The following CDH26 variants were observed in gnomAD, a reference collection of about 807,000 sequenced individuals.
CDH26 encodes cadherin 26.
A neutral mutation model predicts 90.3 loss-of-function variants in CDH26; 83 were observed. That is an observed-to-expected ratio of 0.92 (90% CI 0.77 to 1.10). The LOEUF (loss-of-function observed/expected upper bound fraction) is 1.10, where lower values mean the gene tolerates loss of function less well. CDH26 is among the 50% of genes least tolerant of loss of function. The pLI is 0.00. For missense variants in CDH26, 1,013 were observed against 1,037.6 expected, an observed-to-expected ratio of 0.98 and a Z score of 0.33; for synonymous variants, 397 against 396.3, an observed-to-expected ratio of 1.00 and a Z score of -0.02.
In CDH26 at chr20:59,970,077, T is replaced by C. The variant is rs1601097367; in HGVS notation, c.127-5T>C. 2 of 1,611,436 alleles carry C rather than the reference T, an allele frequency of 1.2e-6. No homozygotes were observed. The highest frequency in any genetic ancestry group is 1.7e-6 in the Non-Finnish European group (2 of 1,178,754). ...CATTGTCACCAGTGTCACTATAAGT[T>C]CCAGGAAAAGATCTACCAGCCTCTA... On this transcript the variant is annotated splice_region_variant and splice_polypyrimidine_tract_variant and intron_variant, in intron 2 of 17. Coordinates refer to ENST00000348616, the MANE Select transcript of CDH26 (RefSeq NM_177980.4).
chr20:59,967,923 CCTTT>C (rs1569024528), intron 1 of CDH26, among the ~76,000 whole-genome samples: 35 of 136,632 alleles, frequency 2.6e-4, no homozygotes, highest in East Asian at 1.7e-3. Context: ...CCTTTCCTTT[CCTTT>C]CCTTTCCCTT....
intron 7 of CDH26, 35 bp downstream of exon 7, chr20:59,985,164 CA>C: frequency 6.2e-7 from 1 of 1,610,804 alleles, no homozygotes; most frequent in Non-Finnish European, 8.5e-7. Flanking sequence ...GTCTAAGCCC[CA>C]AAACAAGTAG....
chr20:60,005,450 TTGTC>T (rs146528110), intron 16 of CDH26, among the ~76,000 whole-genome samples: 8,389 of 152,002 alleles, frequency 0.055, 524 homozygotes, highest in African/African-American at 0.15. Context: ...ATGTGTATGT[TTGTC>T]TGTATATGTG....
downstream of CDH26, among the ~76,000 whole-genome samples, chr20:60,034,336 A>G (rs1387943257): frequency 6.6e-6 from 1 of 152,176 alleles, no homozygotes; most frequent in Non-Finnish European, 1.5e-5. Flanking sequence ...GTGGGGCCAG[A>G]GCTTTGTGCT....
rs975621328 is a variant in CDH26 at position 59,987,430 on chromosome 20, G to A, written c.838-23G>A. ...ATTGTGTTTTTGTTTCCATGACATG[G>A]ACATGATGATTGCTTCTTTCAGTAT... On this transcript the variant is annotated intron_variant, in intron 7 of 17. Transcript: ENST00000348616. 3 of 1,591,032 alleles carry A rather than the reference G, an allele frequency of 1.9e-6. No individual in the cohort carries two copies. The African/African-American group carries it at 4.1e-5, about 21-fold the overall frequency.
At chr20:59,996,514 C>T (rs549380012) in intron 12 of CDH26, 117 bp from the exon 13 acceptor site, 71 of 1,613,582 alleles carry the variant, frequency 4.4e-5, no homozygotes, top group East Asian at 3.3e-4. Context: ...ATGACTAAGA[C>T]GCAATTTGGC....
intron 2 of CDH26, among the ~76,000 whole-genome samples, chr20:59,969,272 G>A (rs868666767): frequency 7.9e-5 from 12 of 152,110 alleles, no homozygotes; most frequent in African/African-American, 2.9e-4. Context: ...TAAGCATGGA[G>A]GTTTGTCCAC....
chr20:59,977,910 C>A (rs1303483638), intron 4 of CDH26, among the ~76,000 whole-genome samples: 1 of 152,152 alleles, frequency 6.6e-6, no homozygotes, highest in Non-Finnish European at 1.5e-5. Context: ...TCTCTGGGCT[C>A]TGCCCATTCA....
chr20:60,035,473 A>G (rs1034623529), downstream of CDH26, among the ~76,000 whole-genome samples: 1 of 152,262 alleles, frequency 6.6e-6, no homozygotes, highest in African/African-American at 2.4e-5. Flanking sequence ...CTTAACCTCC[A>G]TAACTTTCAT....
At chr20:59,963,209 A>G (rs2061098638) in intron 1 of CDH26, among the ~76,000 whole-genome samples, 1 of 151,534 alleles carries the variant, frequency 6.6e-6, no homozygotes, top group Non-Finnish European at 1.5e-5. Flanking sequence ...CAGAGCATAA[A>G]TTACCTGCCC....
chr20:60,001,735 A>G (rs1465560848), intron 15 of CDH26: 1 of 644,394 alleles, frequency 1.6e-6, no homozygotes, highest in Admixed American at 6.3e-5. Context: ...TTAAAAGCAC[A>G]GCACTTTGGC....
chr20:59,979,458 A>G (rs940393856), intron 4 of CDH26, among the ~76,000 whole-genome samples: 3 of 152,024 alleles, frequency 2.0e-5, no homozygotes, highest in Non-Finnish European at 4.4e-5. Context: ...GGGCCTACCA[A>G]AGTGCTGGGA....
chr20:60,023,023 G>A, intron 7 of CDH26, among the ~76,000 whole-genome samples: 1 of 152,230 alleles, frequency 6.6e-6, no homozygotes. Context: ...TCTGGCCAAT[G>A]GGAGGCAACT....
At chr20:59,976,172 A>G (rs2061326607) in intron 4 of CDH26, among the ~76,000 whole-genome samples, 1 of 152,134 alleles carries the variant, frequency 6.6e-6, no homozygotes, top group Non-Finnish European at 1.5e-5. Context: ...CTATGTGCTC[A>G]TTTGCATGTA....
At chr20:59,988,167 A>T (rs2061481800) in intron 8 of CDH26, among the ~76,000 whole-genome samples, 2 of 152,312 alleles carry the variant, frequency 1.3e-5, no homozygotes, top group South Asian at 4.1e-4. Flanking sequence ...TGATTAGGAA[A>T]CCAAAGCCCA....
chr20:60,002,072 A>T (rs1209576132), intron 15 of CDH26, among the ~76,000 whole-genome samples: 1 of 152,174 alleles, frequency 6.6e-6, no homozygotes, highest in Non-Finnish European at 1.5e-5. Context: ...TTTAACCAAA[A>T]TGTACTTTTC....
In CDH26 at chr20:59,982,960, T is replaced by A. The variant is rs6015609; in HGVS notation, c.431T>A (p.Ile144Asn). The change falls in exon 5 of 18, where the codon ATT (isoleucine) becomes AAT (asparagine). Residue 144 changes from isoleucine (I) to asparagine (N), a missense_variant. By Grantham distance (149) the Ile-to-Asn change is moderately radical (BLOSUM62 -3). Coordinates refer to ENST00000348616, the MANE Select transcript of CDH26 (RefSeq NM_177980.4). ...FDVVERSTGK[I>N]VDTSLIFNIR... ...GTTGTGGAGCGCTCAACAGGAAAAA[T>A]TGTGGATACATCCTTGATTTTCAAC... 1 of 1,613,820 alleles carries A rather than the reference T, an allele frequency of 6.2e-7. No individual in the cohort carries two copies. Among genetic ancestry groups the A allele is most frequent in the African/African-American group, 1.3e-5 (1 of 74,822 alleles).
chr20:59,972,150 C>A, intron 4 of CDH26, 27 bp downstream of exon 4: 1 of 1,603,720 alleles, frequency 6.2e-7, no homozygotes, highest in South Asian at 1.1e-5. Flanking sequence ...ATATTCTAAG[C>A]TCGGATTTAA....
chr20:60,007,505 CTG>C (rs1214073095), intron 17 of CDH26, among the ~76,000 whole-genome samples: 1 of 152,210 alleles, frequency 6.6e-6, no homozygotes, highest in East Asian at 1.9e-4. Flanking sequence ...CTGTTGGCAA[CTG>C]TATTTATACC....
Sources: allele counts gnomAD v4.1 joint callset (sites outside exome capture counted in the v4.1 genomes callset), GRCh38; gene constraint gnomAD v4.1.1; transcripts MANE v1.5; gene names NCBI Gene and HGNC (gene_info 2026-07-23, HGNC 2026-07-21).